PPP2R2C: variants seen among roughly 807,000 people sequenced by gnomAD.
The protein encoded by PPP2R2C is protein phosphatase 2, regulatory subunit B, gamma.
A neutral mutation model predicts 45.3 loss-of-function variants in PPP2R2C; 10 were observed. That is an observed-to-expected ratio of 0.22 (90% CI 0.14 to 0.37). The LOEUF (loss-of-function observed/expected upper bound fraction) is 0.37, where lower values mean the gene tolerates loss of function less well. PPP2R2C is among the 10% of genes least tolerant of loss of function. PPP2R2C has a pLI of 1.00. For synonymous variants in PPP2R2C, 257 were observed against 245.4 expected, an observed-to-expected ratio of 1.05 and a Z score of -0.44; for missense variants, 308 against 619.7, an observed-to-expected ratio of 0.50 and a Z score of 5.34.
intron 1 of PPP2R2C, among the ~76,000 whole-genome samples, chr4:6,548,838 G>A (rs973898019): frequency 1.3e-5 from 2 of 152,192 alleles, no homozygotes; most frequent in Non-Finnish European, 2.9e-5. Context: ...TGCCTGCCCT[G>A]AGGCTGGACA....
At chr4:6,421,183 G>T in intron 1 of PPP2R2C, 1 of 947,916 alleles carries the variant, frequency 1.1e-6, no homozygotes, top group Non-Finnish European at 1.3e-6. Context: ...GACCAGTGGG[G>T]GCCAATCAGA....
chr4:6,406,950 G>A (rs1235342089), intron 1 of PPP2R2C, among the ~76,000 whole-genome samples: 2 of 152,084 alleles, frequency 1.3e-5, no homozygotes, highest in Non-Finnish European at 2.9e-5. Context: ...GGCTTTATAA[G>A]AGACACACAG....
chr4:6,472,108 G>A, intron 1 of PPP2R2C, 52 bp downstream of exon 1: 1 of 1,609,474 alleles, frequency 6.2e-7, no homozygotes, highest in Non-Finnish European at 8.5e-7. Context: ...CGGTGCGACG[G>A]CATCCCCACG....
Position 6,345,961 on chromosome 4 carries a change from G to A in PPP2R2C, c.790+1885C>T, listed in dbSNP as rs551821824. Among the ~76,000 whole-genome samples the A allele has an allele frequency of 3.2e-4, 48 of 152,228 alleles. No homozygotes were observed. Among genetic ancestry groups the A allele is most frequent in the South Asian group, 1.0e-3 (5 of 4,814 alleles). On this transcript the variant is annotated intron_variant, in intron 6 of 8. Coordinates refer to ENST00000382599, the MANE Select transcript of PPP2R2C (RefSeq NM_020416.4). This position sits in a 1 kb window ranked among gnomAD's most constrained non-coding sequence, Gnocchi z 5.3. ...AACCCAATACGGGCCTCAGGCTCGCGGGTCTGAAACCTGCCTGCTGGTCCC... is the reference window on the plus strand; with the variant it reads ...AACCCAATACGGGCCTCAGGCTCGCAGGTCTGAAACCTGCCTGCTGGTCCC...
chr4:6,383,401 T>C (rs1425243231), intron 1 of PPP2R2C: 1 of 1,289,532 alleles, frequency 7.8e-7, no homozygotes, highest in East Asian at 5.6e-5. Context: ...AAAAGGTACC[T>C]CCTCCCCTTC....
At chr4:6,351,601 G>T (rs938129275) in intron 5 of PPP2R2C, among the ~76,000 whole-genome samples, 1 of 152,176 alleles carries the variant, frequency 6.6e-6, no homozygotes, top group Non-Finnish European at 1.5e-5. Context: ...CTTCGGATAC[G>T]GTGGCTGCTG....
At chr4:6,537,536 A>G (rs1015699944) in intron 1 of PPP2R2C, among the ~76,000 whole-genome samples, 23 of 150,774 alleles carry the variant, frequency 1.5e-4, no homozygotes, top group Non-Finnish European at 2.4e-4. Flanking sequence ...ATGTAGACGA[A>G]CTTGAAGATT....
At position 6,438,703 on chromosome 4, in the gene PPP2R2C, T is replaced by C. The variant is rs78808367; in HGVS notation, c.70+33457A>G. The stretch of plus-strand genomic sequence containing the variant: ...ACCCCATTCTGTCCATCAGCTCTGA[T>C]GTCATTTGTTTGGGATTTTGCAGAA... On this transcript the variant is annotated intron_variant, in intron 1 of 8. Transcript: ENST00000382599. Among the ~76,000 whole-genome samples the C allele has an allele frequency of 5.9e-5, 9 of 152,382 alleles. No homozygotes were observed. In the East Asian group the frequency reaches 1.7e-3, roughly 29 times the overall value.
intron 2 of PPP2R2C, among the ~76,000 whole-genome samples, chr4:6,504,664 T>C (rs1723163364): frequency 6.6e-6 from 1 of 152,208 alleles, no homozygotes; most frequent in African/African-American, 2.4e-5. Flanking sequence ...CCTGAAATTT[T>C]AAAAATTCAC....
chr4:6,551,318 G>C (rs539811669), intron 1 of PPP2R2C, among the ~76,000 whole-genome samples: 1 of 152,318 alleles, frequency 6.6e-6, no homozygotes, highest in Non-Finnish European at 1.5e-5. Context: ...AGCCTGCAGT[G>C]GGTGCTCAGG....
intron 2 of PPP2R2C, among the ~76,000 whole-genome samples, chr4:6,484,253 A>T (rs1187686562): frequency 6.6e-6 from 1 of 151,958 alleles, no homozygotes; most frequent in Non-Finnish European, 1.5e-5. Flanking sequence ...ACTAAAGTGC[A>T]TTTGAGTCTC....
chr4:6,537,882 G>A (rs576049710), intron 1 of PPP2R2C, among the ~76,000 whole-genome samples: 13 of 152,142 alleles, frequency 8.5e-5, no homozygotes, highest in Admixed American at 3.9e-4. Flanking sequence ...TAAACCAGTC[G>A]CAAAAGGACA....
intron 1 of PPP2R2C, among the ~76,000 whole-genome samples, chr4:6,424,601 A>G (rs1490270789): frequency 6.6e-6 from 1 of 152,216 alleles, no homozygotes; most frequent in Non-Finnish European, 1.5e-5. Flanking sequence ...ATACATTGAC[A>G]CAGGAGACCA....
At position 6,530,318 on chromosome 4, in the gene PPP2R2C, G is replaced by A. The variant is rs77444453; in HGVS notation, c.49+4953C>T. ...ACCCAGGGAGGAGAGGAGCTTATCCGCCATTTTCCATGCACGCGACGTATG... is the reference window on the plus strand; with the variant it reads ...ACCCAGGGAGGAGAGGAGCTTATCCACCATTTTCCATGCACGCGACGTATG... On this transcript the variant is annotated intron_variant, in intron 2 of 9. Coordinates refer to the PPP2R2C transcript ENST00000506140. Among the ~76,000 whole-genome samples the A allele has an allele frequency of 6.9e-3, 1,045 of 152,226 alleles. 15 individuals carry two copies. Among genetic ancestry groups the A allele is most frequent in the African/African-American group, 0.024 (998 of 41,534 alleles).
intron 1 of PPP2R2C, among the ~76,000 whole-genome samples, chr4:6,410,685 G>A (rs1718110148): frequency 6.6e-6 from 1 of 151,912 alleles, no homozygotes; most frequent in Non-Finnish European, 1.5e-5. Context: ...TCACAGGGGA[G>A]ACGTGGAGAA....
At chr4:6,528,225 C>T (rs1029124970) in intron 2 of PPP2R2C, among the ~76,000 whole-genome samples, 2 of 152,252 alleles carry the variant, frequency 1.3e-5, no homozygotes, top group South Asian at 4.1e-4. Context: ...CTGCAAAGCC[C>T]GCCCTGGCTC....
chr4:6,417,970 G>A (rs1718709783), intron 1 of PPP2R2C, among the ~76,000 whole-genome samples: 1 of 152,170 alleles, frequency 6.6e-6, no homozygotes, highest in Admixed American at 6.5e-5. Context: ...TCTGCCGCTG[G>A]GACAATGCCT....
At chr4:6,343,723 T>C (rs1711556466) in intron 6 of PPP2R2C, among the ~76,000 whole-genome samples, 1 of 151,912 alleles carries the variant, frequency 6.6e-6, no homozygotes, top group African/African-American at 2.4e-5. Context: ...AGAAAAAAAT[T>C]CTTCTCTCCC....
intron 1 of PPP2R2C, among the ~76,000 whole-genome samples, chr4:6,437,058 T>A (rs1203747095): frequency 6.6e-6 from 1 of 152,160 alleles, no homozygotes; most frequent in Non-Finnish European, 1.5e-5. Flanking sequence ...CAATGCAGAA[T>A]CCCACAAGGC....
Sources: allele counts gnomAD v4.1 joint callset (sites outside exome capture counted in the v4.1 genomes callset), GRCh38; gene constraint gnomAD v4.1.1; non-coding constraint Gnocchi (gnomAD v3.1); transcripts MANE v1.5; gene names NCBI Gene and HGNC (gene_info 2026-07-23, HGNC 2026-07-21).